The following NEK10 variants were observed in gnomAD, a reference collection of about 807,000 sequenced individuals.
NEK10 encodes NIMA related kinase 10.
Under a neutral mutation model 159.8 loss-of-function variants are expected in NEK10, and 122 were observed. The ratio of observed to expected loss-of-function variants is 0.76; its 90% CI spans 0.66 to 0.89. The LOEUF (loss-of-function observed/expected upper bound fraction) is 0.89. Ranked by LOEUF, NEK10 falls within the 40% of genes least tolerant of loss-of-function variation. NEK10 has a pLI of 0.00. For missense variants in NEK10, 1,342 were observed against 1,323.1 expected (o/e 1.01, Z -0.22); for synonymous variants, 466 against 457.1 (o/e 1.02, Z -0.25).
At chr3:27,151,144 T>C (rs1169435101) in intron 30 of NEK10, among the ~76,000 whole-genome samples, 3 of 152,148 alleles carry the variant, frequency 2.0e-5, no homozygotes, top group Non-Finnish European at 2.9e-5. Context: ...TCCCTCTCCA[T>C]GCTACCATAG....
intron 32 of NEK10, among the ~76,000 whole-genome samples, chr3:27,122,082 T>C (rs1941394687): frequency 6.6e-6 from 1 of 152,154 alleles, no homozygotes; most frequent in Non-Finnish European, 1.5e-5. Flanking sequence ...GAAAAAAATA[T>C]ATGATTATAT....
Position 27,111,043 on chromosome 3 carries a change from GCT to G in NEK10, c.*227_*228del. 2 of 363,434 alleles carry G rather than the reference GCT, an allele frequency of 5.5e-6. No homozygotes were observed. Among genetic ancestry groups the G allele is most frequent in the Non-Finnish European group, 9.8e-6 (2 of 203,148 alleles). 22.5% of individuals were successfully genotyped at this position (363,434 alleles called of 1,614,324 possible). A position where few individuals can be genotyped will look rare whatever the true frequency, so the allele number is the denominator to read the frequency against. Reference sequence around the variant, plus strand: ...ATTTTCTCCCAGCAGCACACTGGTAGCTCTGACATCCTGTATATAATGTGTTC... The same window carrying G: ...ATTTTCTCCCAGCAGCACACTGGTAGCTGACATCCTGTATATAATGTGTTC... On this transcript the variant is annotated 3_prime_UTR_variant, in exon 36 of 36. Coordinates refer to ENST00000691995, the MANE Select transcript of NEK10 (RefSeq NM_001394966.1).
At chr3:27,341,824 G>T (rs1480005294) in intron 5 of NEK10, among the ~76,000 whole-genome samples, 1 of 152,118 alleles carries the variant, frequency 6.6e-6, no homozygotes, top group East Asian at 1.9e-4. Context: ...TAGACATTGA[G>T]AAATGAGTTG....
At position 27,247,901 on chromosome 3, in the gene NEK10, G is replaced by A. The variant is rs1955249453; in HGVS notation, c.2090+8395C>T. On this transcript the variant is annotated intron_variant, in intron 23 of 35. Transcript: ENST00000691995. ...CTGGCCTCACGGTGTAAGTTTGGAA[G>A]TATACCCTCTTCCTCCATTTTTTGC... Among the ~76,000 whole-genome samples, 8 of 147,348 alleles carry A rather than the reference G, an allele frequency of 5.4e-5. No individual in the cohort carries two copies. In the South Asian group the frequency reaches 1.8e-3, roughly 33 times the overall value.
At chr3:27,313,038 T>C (rs1261484908) in intron 7 of NEK10, among the ~76,000 whole-genome samples, 2 of 151,356 alleles carry the variant, frequency 1.3e-5, no homozygotes, top group Non-Finnish European at 2.9e-5. Context: ...AAAAACGTGA[T>C]CAGAAATTTT....
intron 9 of NEK10, chr3:27,310,498 A>G (rs1297198459): frequency 6.6e-6 from 1 of 152,518 alleles, no homozygotes; most frequent in Non-Finnish European, 1.5e-5. Flanking sequence ...CAGTCTAAAC[A>G]GTTTTGCTAT....
intron 20 of NEK10, among the ~76,000 whole-genome samples, chr3:27,286,878 A>C (rs2042656175): frequency 6.6e-6 from 1 of 152,126 alleles, no homozygotes; most frequent in South Asian, 2.1e-4. Flanking sequence ...GATTTACTGC[A>C]TGAGTTTTAG....
At chr3:27,363,806 T>C (rs764385960) in intron 1 of NEK10, 6 of 152,198 alleles carry the variant, frequency 3.9e-5, no homozygotes, top group African/African-American at 9.7e-5. Flanking sequence ...CTGATGCAAG[T>C]TGACAAGTCT....
chr3:27,274,713 C>A (rs1348412060), intron 22 of NEK10, among the ~76,000 whole-genome samples: 2 of 151,942 alleles, frequency 1.3e-5, no homozygotes, highest in Non-Finnish European at 2.9e-5. Context: ...CTTAAAAGGC[C>A]TAGGATGGAG....
intron 23 of NEK10, among the ~76,000 whole-genome samples, chr3:27,204,315 T>TTTTTTTTTTTTTTTTGTTTTG: frequency 8.8e-6 from 1 of 113,186 alleles, no homozygotes; most frequent in Non-Finnish European, 1.9e-5. Context: ...TTTTTTTTTT[T>TTTTTTTTTTTTTTTTGTTTTG]TTTTTTATTA....
chr3:27,116,248 G>A (rs1940409063), intron 33 of NEK10, 121 bp from the exon 34 acceptor site: 3 of 847,314 alleles, frequency 3.5e-6, no homozygotes, highest in Non-Finnish European at 5.7e-6. Flanking sequence ...GATAAAGATG[G>A]AACAAGCAAA....
intron 1 of NEK10, chr3:27,367,711 G>C (rs2049199359): frequency 6.6e-6 from 1 of 152,230 alleles, no homozygotes; most frequent in Non-Finnish European, 1.5e-5. Flanking sequence ...GACAAAGATG[G>C]TCTCTGCCGT....
At chr3:27,327,298 T>C (rs1249672164) in intron 5 of NEK10, among the ~76,000 whole-genome samples, 2 of 152,200 alleles carry the variant, frequency 1.3e-5, no homozygotes, top group Non-Finnish European at 2.9e-5. Flanking sequence ...TCTGCAAAGA[T>C]AGTATTTCTC....
At chr3:27,334,373 C>A (rs1255965993) in intron 5 of NEK10, among the ~76,000 whole-genome samples, 2 of 152,194 alleles carry the variant, frequency 1.3e-5, no homozygotes, top group Non-Finnish European at 2.9e-5. Flanking sequence ...ACCCTTCTAC[C>A]TGTCCAGCCC....
At chr3:27,337,826 C>T (rs2046918763) in intron 5 of NEK10, among the ~76,000 whole-genome samples, 1 of 152,066 alleles carries the variant, frequency 6.6e-6, no homozygotes, top group Non-Finnish European at 1.5e-5. Flanking sequence ...AAGACTTAAA[C>T]ATTAAGATTC....
At chr3:27,331,262 A>AAACACAC in intron 5 of NEK10, among the ~76,000 whole-genome samples, 3 of 110,078 alleles carry the variant, frequency 2.7e-5, no homozygotes, top group African/African-American at 8.7e-5. Flanking sequence ...AAAAAAAAAA[A>AAACACAC]ACACACAAAC....
At chr3:27,168,767 G>A (rs1483218201) in intron 29 of NEK10, among the ~76,000 whole-genome samples, 1 of 152,092 alleles carries the variant, frequency 6.6e-6, no homozygotes, top group African/African-American at 2.4e-5. Flanking sequence ...TTTAGGTCAG[G>A]TCCTGTTCAC....
chr3:27,366,334 G>A (rs138813965), intron 1 of NEK10, among the ~76,000 whole-genome samples: 97 of 152,240 alleles, frequency 6.4e-4, no homozygotes, highest in Non-Finnish European at 9.0e-4. Context: ...GCTCTACTGC[G>A]CCCTGAGAAC....
chr3:27,331,138 G>A (rs963115514), intron 5 of NEK10, among the ~76,000 whole-genome samples: 3 of 150,932 alleles, frequency 2.0e-5, no homozygotes, highest in Non-Finnish European at 4.4e-5. Flanking sequence ...TCGGGAGGCC[G>A]AGGCAGGGAG....
Sources: gnomAD v4.1 joint callset for allele counts (sites outside exome capture counted in the v4.1 genomes callset) on GRCh38, gnomAD v4.1.1 for gene constraint, MANE v1.5 for transcripts, NCBI Gene and HGNC (gene_info 2026-07-23, HGNC 2026-07-21) for gene names.